Variants in ZBTB20 observed in about 807,000 individuals in gnomAD.
ZBTB20 encodes zinc finger and BTB domain-containing protein 20.
ZBTB20 carries 9 observed loss-of-function variants against 56.9 expected under a neutral mutation model. The observed-to-expected ratio is 0.16, with a 90% confidence interval of 0.10 to 0.28. ZBTB20 has a LOEUF of 0.28. Among genes scored for constraint, ZBTB20 ranks in the 10% least tolerant of loss-of-function variants. The pLI is 1.00. For synonymous variants in ZBTB20, 417 were observed against 420.7 expected, an observed-to-expected ratio of 0.99 and a Z score of 0.11; for missense variants, 655 against 1,003.0, an observed-to-expected ratio of 0.65 and a Z score of 4.69.
chr3:114,933,392 A>T (rs2107814360), intron 3 of ZBTB20, among the ~76,000 whole-genome samples: 1 of 152,330 alleles, frequency 6.6e-6, no homozygotes, highest in Admixed American at 6.5e-5. Flanking sequence ...ATCCCATGTG[A>T]AGGGTAAGGA....
At chr3:115,035,775 T>C (rs377734295) in intron 2 of ZBTB20, among the ~76,000 whole-genome samples, 52 of 152,288 alleles carry the variant, frequency 3.4e-4, no homozygotes, top group African/African-American at 1.1e-3. Flanking sequence ...AGCAGCCATA[T>C]TCACAACACC....
intron 2 of ZBTB20, among the ~76,000 whole-genome samples, chr3:115,004,133 T>C (rs2079368546): frequency 6.6e-6 from 1 of 151,652 alleles, no homozygotes; most frequent in African/African-American, 2.4e-5. Flanking sequence ...CATGAGAACT[T>C]GGGATTTCAA....
At chr3:114,877,183 C>T (rs2076230225) in intron 4 of ZBTB20, among the ~76,000 whole-genome samples, 1 of 152,224 alleles carries the variant, frequency 6.6e-6, no homozygotes, top group Admixed American at 6.5e-5. Flanking sequence ...GTTTGACATA[C>T]CCATAACTAC....
chr3:114,899,483 C>A (rs185029338), intron 4 of ZBTB20, among the ~76,000 whole-genome samples: 1 of 151,674 alleles, frequency 6.6e-6, no homozygotes, highest in South Asian at 2.1e-4. Flanking sequence ...GATATTCTTT[C>A]GAGAAGTTGG....
At position 114,337,136 on chromosome 3, in the gene ZBTB20, C is replaced by T. The variant is rs1005213072; in HGVS notation, c.*1869G>A. The stretch of plus-strand genomic sequence containing the variant: ...TTTTGTTAATTTCCCTAAAACCTTT[C>T]GAAGAAGCAAGGGTTAATTCGTCAT... On this transcript the variant is annotated 3_prime_UTR_variant, in exon 12 of 12. Transcript: ENST00000675478. The T allele has an allele frequency of 7.9e-5, 12 of 152,112 alleles. No individual in the cohort carries two copies. Among genetic ancestry groups the T allele is most frequent in the African/African-American group, 2.7e-4 (11 of 41,404 alleles). The allele number at this position is 152,112 out of a possible 1,614,324, so 9.4% of individuals were successfully genotyped here. A position where few individuals can be genotyped will look rare whatever the true frequency, so the allele number is the denominator to read the frequency against.
intron 5 of ZBTB20, among the ~76,000 whole-genome samples, chr3:114,744,674 G>A (rs2066893278): frequency 6.6e-6 from 1 of 152,080 alleles, no homozygotes; most frequent in Non-Finnish European, 1.5e-5. Flanking sequence ...GTGCTACAGC[G>A]ATAGTCACCA....
intron 2 of ZBTB20, among the ~76,000 whole-genome samples, chr3:115,001,447 T>G (rs1022553061): frequency 9.3e-5 from 14 of 151,340 alleles, no homozygotes; most frequent in African/African-American, 3.4e-4. Context: ...ATGGGGAGCT[T>G]TTTTTAAATC....
chr3:114,855,588 G>A (rs188613233), intron 4 of ZBTB20, among the ~76,000 whole-genome samples: 77 of 152,314 alleles, frequency 5.1e-4, no homozygotes, highest in Non-Finnish European at 9.8e-4. Flanking sequence ...TAGGGCCAGA[G>A]AGCAAGAAGG....
At chr3:114,389,633 T>C (rs2085590433) in intron 7 of ZBTB20, among the ~76,000 whole-genome samples, 1 of 152,078 alleles carries the variant, frequency 6.6e-6, no homozygotes, top group Non-Finnish European at 1.5e-5. Context: ...CTCACACCTG[T>C]AATCCCAGCA....
intron 7 of ZBTB20, among the ~76,000 whole-genome samples, chr3:114,494,319 G>C (rs1446917753): frequency 2.6e-5 from 4 of 152,102 alleles, no homozygotes; most frequent in Non-Finnish European, 5.9e-5. Context: ...CCTTAGTTTA[G>C]ATCTTGGATA....
intron 3 of ZBTB20, among the ~76,000 whole-genome samples, chr3:114,951,674 C>T (rs1041744416): frequency 2.0e-5 from 3 of 152,056 alleles, no homozygotes; most frequent in Non-Finnish European, 2.9e-5. Context: ...AAAATGTCAA[C>T]ATTCTCCATA....
At chr3:114,674,994 G>A (rs2061548633) in intron 6 of ZBTB20, among the ~76,000 whole-genome samples, 1 of 150,424 alleles carries the variant, frequency 6.6e-6, no homozygotes, top group African/African-American at 2.4e-5. Context: ...AGAGCAAATC[G>A]AGGCAAGTGC....
intron 5 of ZBTB20, among the ~76,000 whole-genome samples, chr3:114,784,429 T>C (rs1578853203): frequency 6.6e-6 from 1 of 152,180 alleles, no homozygotes; most frequent in East Asian, 1.9e-4. Context: ...CAATTAAATA[T>C]GATTTTTAAA....
intron 2 of ZBTB20, among the ~76,000 whole-genome samples, chr3:114,981,894 T>A (rs1429060346): frequency 6.6e-6 from 1 of 152,038 alleles, no homozygotes; most frequent in South Asian, 2.1e-4. Flanking sequence ...TTATTATATT[T>A]AACACAAGTC....
At chr3:115,048,422 C>T (rs2108425507) in intron 2 of ZBTB20, among the ~76,000 whole-genome samples, 1 of 152,148 alleles carries the variant, frequency 6.6e-6, no homozygotes, top group East Asian at 1.9e-4. Context: ...TCAAGGTCTG[C>T]CTATTTAATG....
chr3:115,042,374 T>C (rs2081176817), intron 2 of ZBTB20, among the ~76,000 whole-genome samples: 1 of 152,174 alleles, frequency 6.6e-6, no homozygotes, highest in African/African-American at 2.4e-5. Context: ...TTCCAACACA[T>C]CAGTTCATCT....
intron 3 of ZBTB20, among the ~76,000 whole-genome samples, chr3:114,911,987 A>G (rs2075559034): frequency 6.6e-6 from 1 of 151,884 alleles, no homozygotes; most frequent in Non-Finnish European, 1.5e-5. Flanking sequence ...GTCAAAAGTG[A>G]AAGACAAAGA....
At chr3:114,890,361 T>C (rs1203920359) in intron 4 of ZBTB20, among the ~76,000 whole-genome samples, 1 of 152,160 alleles carries the variant, frequency 6.6e-6, no homozygotes, top group Admixed American at 6.5e-5. Context: ...CCGTAAACTG[T>C]GAAGTAAATT....
chr3:114,872,903 C>A (rs1199477883), intron 4 of ZBTB20, among the ~76,000 whole-genome samples: 1 of 152,130 alleles, frequency 6.6e-6, no homozygotes, highest in Non-Finnish European at 1.5e-5. Context: ...CCAAAGAACT[C>A]TGTATGATTT....
Sources: gnomAD v4.1 joint callset for allele counts (sites outside exome capture counted in the v4.1 genomes callset) on GRCh38, gnomAD v4.1.1 for gene constraint, MANE v1.5 for transcripts, NCBI Gene and HGNC (gene_info 2026-07-23, HGNC 2026-07-21) for gene names.